Variants in NEDD4L observed in about 807,000 individuals in gnomAD.
The protein encoded by NEDD4L is NEDD4 like E3 ubiquitin protein ligase, also known as E3 ubiquitin-protein ligase NEDD4-like.
Under a neutral mutation model 148.9 loss-of-function variants are expected in NEDD4L, and 54 were observed. That is an observed-to-expected ratio of 0.36 (90% confidence interval 0.29 to 0.45). NEDD4L has a LOEUF of 0.45. NEDD4L is among the 20% of genes least tolerant of loss of function. The probability of loss-of-function intolerance (pLI) is 1.00; values close to 1 mark genes in which losing one functional copy is unlikely to be tolerated. For synonymous variants in NEDD4L, 433 were observed against 440.7 expected, an observed-to-expected ratio of 0.98 and a Z score of 0.22; for missense variants, 856 against 1,233.8, an observed-to-expected ratio of 0.69 and a Z score of 4.59.
intron 5 of NEDD4L, among the ~76,000 whole-genome samples, chr18:58,260,602 T>C (rs1044083292): frequency 3.3e-5 from 5 of 152,256 alleles, no homozygotes; most frequent in African/African-American, 1.2e-4. Flanking sequence ...TTGTTAGGTG[T>C]AATAACATTA....
At chr18:58,072,872 G>A (rs62094359) in intron 1 of NEDD4L, among the ~76,000 whole-genome samples, 3,745 of 131,534 alleles carry the variant, frequency 0.028, 76 homozygotes, top group Non-Finnish European at 0.034. Context: ...GCGCGCGCGC[G>A]CACACACACA....
intron 1 of NEDD4L, 120 bp from the exon 2 acceptor site, chr18:58,165,668 T>C (rs2036759574): frequency 2.0e-6 from 3 of 1,528,130 alleles, no homozygotes; most frequent in Non-Finnish European, 2.7e-6. Flanking sequence ...TATGCTCGAA[T>C]TGATTTGTTC....
chr18:58,153,154 T>C (rs919774181), intron 1 of NEDD4L, among the ~76,000 whole-genome samples: 7 of 152,120 alleles, frequency 4.6e-5, no homozygotes, highest in African/African-American at 1.7e-4. Flanking sequence ...AGGTGAATCA[T>C]TGATTCCTGT....
intron 1 of NEDD4L, among the ~76,000 whole-genome samples, chr18:58,099,217 T>C (rs982667973): frequency 5.9e-5 from 9 of 151,964 alleles, no homozygotes; most frequent in Admixed American, 3.9e-4. Context: ...TTTTTTCTCT[T>C]GCACAGGCTG....
At chr18:58,360,892 C>T (rs1353610770) in intron 19 of NEDD4L, among the ~76,000 whole-genome samples, 1 of 152,146 alleles carries the variant, frequency 6.6e-6, no homozygotes, top group Admixed American at 6.5e-5. Context: ...CATGCACCCC[C>T]AGTCAGTATA....
At chr18:58,237,138 C>T (rs2046127857) in intron 2 of NEDD4L, among the ~76,000 whole-genome samples, 1 of 152,072 alleles carries the variant, frequency 6.6e-6, no homozygotes, top group South Asian at 2.1e-4. Flanking sequence ...ATTAGAAACA[C>T]TGTTGTCTGA....
intron 13 of NEDD4L, chr18:58,335,799 G>A (rs1263592708): frequency 1.2e-5 from 4 of 343,068 alleles, no homozygotes; most frequent in African/African-American, 8.4e-5. Context: ...TGACCATTTA[G>A]AAGATATTTT....
intron 5 of NEDD4L, among the ~76,000 whole-genome samples, chr18:58,289,062 TAC>T (rs1184621279): frequency 2.0e-5 from 3 of 152,242 alleles, no homozygotes; most frequent in Non-Finnish European, 2.9e-5. Flanking sequence ...ATCTGCATAT[TAC>T]TTTAACTAGA....
chr18:58,131,480 G>A (rs1010007906), intron 1 of NEDD4L, among the ~76,000 whole-genome samples: 6 of 151,520 alleles, frequency 4.0e-5, no homozygotes, highest in Admixed American at 3.9e-4. Flanking sequence ...GTTGGGGTTT[G>A]GCTGTGATCT....
chr18:58,152,751 C>T lies in NEDD4L; in HGVS notation c.49-13037C>T, dbSNP rs761523594. Among the ~76,000 whole-genome samples the T allele has an allele frequency of 4.6e-5, 7 of 152,204 alleles. No homozygotes were observed. In the East Asian group the frequency reaches 1.4e-3, roughly 29 times the overall value. ...ATGCTGATGCTGGTAGTCGGGAGTC[C>T]GTACTTTGAGAACCACTCTTCTACC... On this transcript the variant is annotated intron_variant, in intron 1 of 30. Transcript: ENST00000400345.
chr18:58,325,318 T>C (rs2059217689), intron 9 of NEDD4L, among the ~76,000 whole-genome samples, 156 bp downstream of exon 9: 1 of 152,260 alleles, frequency 6.6e-6, no homozygotes, highest in Non-Finnish European at 1.5e-5. Flanking sequence ...ACGTAAAGCA[T>C]GCAAGAGCAG....
At chr18:58,104,217 C>G (rs1237002639) in intron 1 of NEDD4L, among the ~76,000 whole-genome samples, 1 of 152,190 alleles carries the variant, frequency 6.6e-6, no homozygotes, top group Admixed American at 6.5e-5. Context: ...ATACAAAGGT[C>G]ACATATGATA....
chr18:58,086,406 G>A (rs1042243682), intron 1 of NEDD4L, among the ~76,000 whole-genome samples: 5 of 152,200 alleles, frequency 3.3e-5, no homozygotes, highest in East Asian at 1.9e-4. Context: ...CAGGGGATGG[G>A]AGAGACTGGC....
chr18:58,234,045 T>TTTTTC (rs2045591750), intron 2 of NEDD4L, among the ~76,000 whole-genome samples: 2 of 117,876 alleles, frequency 1.7e-5, no homozygotes, highest in Non-Finnish European at 1.8e-5. Context: ...ATTTCTTTCC[T>TTTTTC]TTTCTTTCTT....
intron 2 of NEDD4L, among the ~76,000 whole-genome samples, chr18:58,201,184 T>A (rs2147411601): frequency 6.6e-6 from 1 of 152,200 alleles, no homozygotes. Flanking sequence ...AATACAAAAA[T>A]TAGCCAGGCA....
intron 1 of NEDD4L, among the ~76,000 whole-genome samples, chr18:58,113,112 C>T (rs1568233252): frequency 1.3e-5 from 2 of 152,312 alleles, no homozygotes; most frequent in Admixed American, 6.5e-5. Flanking sequence ...AAATAAGTTT[C>T]GGTTATTTAT....
intron 1 of NEDD4L, among the ~76,000 whole-genome samples, chr18:58,124,240 T>A (rs1191420750): frequency 1.3e-5 from 2 of 152,224 alleles, no homozygotes; most frequent in Non-Finnish European, 2.9e-5. Context: ...CAGTGCCAGC[T>A]GTGCTGTCCT....
intron 5 of NEDD4L, among the ~76,000 whole-genome samples, chr18:58,290,344 G>A (rs757146609): frequency 5.3e-5 from 8 of 152,192 alleles, no homozygotes; most frequent in Non-Finnish European, 8.8e-5. Flanking sequence ...TCATTGAACT[G>A]GACAGTCTAA....
At chr18:58,072,668 A>G (rs1415578736) in intron 1 of NEDD4L, among the ~76,000 whole-genome samples, 2 of 152,228 alleles carry the variant, frequency 1.3e-5, no homozygotes, top group African/African-American at 4.8e-5. Flanking sequence ...ATTATGAGTG[A>G]GACAAGGATA....
Sources: gnomAD v4.1 joint callset for allele counts (sites outside exome capture counted in the v4.1 genomes callset) on GRCh38, gnomAD v4.1.1 for gene constraint, MANE v1.5 for transcripts, NCBI Gene and HGNC (gene_info 2026-07-23, HGNC 2026-07-21) for gene names.